The following CYP4X1 variants were observed in gnomAD, a reference collection of about 807,000 sequenced individuals.
The protein encoded by CYP4X1 is cytochrome P450 family 4 subfamily X member 1, also known as cytochrome P450 4X1.
Under a neutral mutation model 57.9 loss-of-function variants are expected in CYP4X1, and 44 were observed. The observed-to-expected ratio is 0.76, with a 90% CI of 0.60 to 0.98. The LOEUF is 0.98. CYP4X1 is among the 50% of genes least tolerant of loss of function. CYP4X1 has a pLI of 0.00. For synonymous variants in CYP4X1, 227 were observed against 228.6 expected, an observed-to-expected ratio of 0.99 and a Z score of 0.06; for missense variants, 532 against 623.9, an observed-to-expected ratio of 0.85 and a Z score of 1.57.
At position 47,039,609 on chromosome 1, in the gene CYP4X1, G is replaced by A; in HGVS notation, c.1073+77G>A. On this transcript the variant is annotated intron_variant, in intron 8 of 11. Transcript: ENST00000371901. ...CTTTATTTTTTGCGCTGGTACCTTAGTGACCCTAGTGCCTCAGGATATGTG... is the reference window on the plus strand; with the variant it reads ...CTTTATTTTTTGCGCTGGTACCTTAATGACCCTAGTGCCTCAGGATATGTG... The A allele has an allele frequency of 3.4e-6, 4 of 1,183,894 alleles. No homozygotes were observed. The Admixed American group carries it at 8.0e-5, about 24-fold the overall frequency. The allele number at this position is 1,183,894 out of a possible 1,614,324, so 73.3% of individuals were successfully genotyped here.
chr1:47,010,014 C>T, the CYP4X1 span, among the ~76,000 whole-genome samples: 2 of 152,240 alleles, frequency 1.3e-5, no homozygotes, highest in Non-Finnish European at 2.9e-5. Flanking sequence ...CCTTCTGAAA[C>T]TCTTCCAATC....
downstream of CYP4X1, chr1:47,050,794 T>C (rs1644354831): frequency 1.3e-5 from 2 of 152,210 alleles, no homozygotes; most frequent in South Asian, 4.1e-4. Context: ...TACTATAATT[T>C]ATTTAACTAT....
chr1:47,039,384 G>A lies in CYP4X1; in HGVS notation c.925G>A (p.Glu309Lys). The A allele has an allele frequency of 6.2e-7, 1 of 1,613,148 alleles. No homozygotes were observed. Among genetic ancestry groups the A allele is most frequent in the South Asian group, 1.1e-5 (1 of 90,928 alleles). The change falls in exon 8 of 12, where the codon GAA (glutamate) becomes AAA (lysine). Residue 309 changes from glutamate (E) to lysine (K), a missense_variant. Coordinates refer to ENST00000371901, the MANE Select transcript of CYP4X1 (RefSeq NM_178033.2). ...CTTCTCAGATATTGATGTACACTCT[G>A]AAGTGAGCACATTCCTGTTGGCAGG... ...SSFSDIDVHS[E>K]VSTFLLAGHD...
At chr1:46,978,387 T>C in the CYP4X1 span, among the ~76,000 whole-genome samples, 1 of 152,044 alleles carries the variant, frequency 6.6e-6, no homozygotes, top group Non-Finnish European at 1.5e-5. Flanking sequence ...AGAAGACCAT[T>C]ACAACAATGG....
the CYP4X1 span, among the ~76,000 whole-genome samples, chr1:46,972,585 A>G: frequency 2.0e-5 from 3 of 152,116 alleles, no homozygotes; most frequent in Non-Finnish European, 4.4e-5. Context: ...ATGTTTTCCT[A>G]TTTGTTTGAG....
chr1:46,997,632 A>G, the CYP4X1 span, among the ~76,000 whole-genome samples: 1 of 152,172 alleles, frequency 6.6e-6, no homozygotes, highest in African/African-American at 2.4e-5. Context: ...AGGTTGATTC[A>G]ATGCCTTTAC....
the CYP4X1 span, among the ~76,000 whole-genome samples, chr1:46,965,406 T>C: frequency 7.1e-6 from 1 of 140,082 alleles, no homozygotes; most frequent in Non-Finnish European, 1.5e-5. Flanking sequence ...GCCCCCACTC[T>C]TTTTTGTTGA....
At chr1:47,040,718 ATT>A (rs1187265658) in intron 8 of CYP4X1, among the ~76,000 whole-genome samples, 1 of 152,148 alleles carries the variant, frequency 6.6e-6, no homozygotes, top group African/African-American at 2.4e-5. Context: ...ACAACATGAT[ATT>A]TTGATATATG....
downstream of CYP4X1, among the ~76,000 whole-genome samples, chr1:47,052,031 A>G (rs1644363197): frequency 6.6e-6 from 1 of 152,122 alleles, no homozygotes; most frequent in African/African-American, 2.4e-5. Context: ...GTCAAAATAA[A>G]CAAGTTTATT....
chr1:47,038,606 A>T (rs1413633953), intron 6 of CYP4X1, 54 bp from the exon 7 acceptor site: 28 of 1,412,878 alleles, frequency 2.0e-5, no homozygotes, highest in Non-Finnish European at 2.6e-5. Flanking sequence ...CTTGCTTTAT[A>T]ATTTATTTGA....
chr1:46,965,880 C>T, the CYP4X1 span, among the ~76,000 whole-genome samples: 2 of 152,150 alleles, frequency 1.3e-5, no homozygotes, highest in Middle Eastern at 3.2e-3. Flanking sequence ...AGACCAGAGC[C>T]CTATCCATAG....
At chr1:47,000,962 T>G in the CYP4X1 span, 1 of 181,014 alleles carries the variant, frequency 5.5e-6, no homozygotes, top group African/African-American at 2.3e-5. Flanking sequence ...TTGTTGAATT[T>G]CAACACCATT....
Position 47,035,958 on chromosome 1 carries a change from A to G in CYP4X1, c.620+25A>G, listed in dbSNP as rs1644175617. 3 of 1,612,038 alleles carry G rather than the reference A, an allele frequency of 1.9e-6. No homozygotes were observed. The Middle Eastern group carries it at 5.0e-4, about 267-fold the overall frequency. On this transcript the variant is annotated intron_variant, in intron 5 of 11. Coordinates refer to ENST00000371901, the MANE Select transcript of CYP4X1 (RefSeq NM_178033.2). ...GGTCAGTGGTGGGAGAGCAAAAAAG[A>G]TATTTCTTCACATTTTCTAAGTTGT... is the stretch of plus-strand genomic sequence containing the variant.
At chr1:47,041,244 C>T (rs887423147) in intron 8 of CYP4X1, among the ~76,000 whole-genome samples, 10 of 152,146 alleles carry the variant, frequency 6.6e-5, no homozygotes, top group Admixed American at 2.0e-4. Context: ...AATAATGCTG[C>T]AATGAACATG....
At chr1:47,019,004 G>A (rs898624374), upstream of CYP4X1, among the ~76,000 whole-genome samples, 1 of 152,190 alleles carries the variant, frequency 6.6e-6, no homozygotes, top group Non-Finnish European at 1.5e-5. Flanking sequence ...TGGGGAGGAA[G>A]AGAGCTTTTA....
the CYP4X1 span, among the ~76,000 whole-genome samples, chr1:46,981,142 T>C: frequency 6.6e-6 from 1 of 152,078 alleles, no homozygotes; most frequent in Non-Finnish European, 1.5e-5. Flanking sequence ...GGGATCTAAT[T>C]AAACTAAAGA....
chr1:47,016,780 A>G, the CYP4X1 span, among the ~76,000 whole-genome samples: 1 of 152,236 alleles, frequency 6.6e-6, no homozygotes, highest in African/African-American at 2.4e-5. Context: ...TTAAAGTACA[A>G]TTAAATTGTT....
At chr1:46,982,001 G>A in the CYP4X1 span, among the ~76,000 whole-genome samples, 1 of 152,124 alleles carries the variant, frequency 6.6e-6, no homozygotes, top group Non-Finnish European at 1.5e-5. Flanking sequence ...AGATGGGGGA[G>A]GGATAGCATT....
chr1:47,026,608 A>T (rs932885319), intron 1 of CYP4X1, among the ~76,000 whole-genome samples: 1 of 152,112 alleles, frequency 6.6e-6, no homozygotes, highest in Non-Finnish European at 1.5e-5. Flanking sequence ...GATTGCACTG[A>T]ATCTGTAGAT....
Sources: allele counts gnomAD v4.1 joint callset (sites outside exome capture counted in the v4.1 genomes callset), GRCh38; gene constraint gnomAD v4.1.1; transcripts MANE v1.5; gene names NCBI Gene and HGNC (gene_info 2026-07-23, HGNC 2026-07-21).